The following PPM1E variants were observed in gnomAD, a reference collection of about 807,000 sequenced individuals.
The protein encoded by PPM1E is protein phosphatase 1E.
Under a neutral mutation model 65.9 loss-of-function variants are expected in PPM1E, and 20 were observed. The ratio of observed to expected loss-of-function variants is 0.30; its 90% CI spans 0.21 to 0.44. The LOEUF is 0.44. Among genes scored for constraint, PPM1E ranks in the 20% least tolerant of loss-of-function variants. The pLI, the probability that PPM1E is intolerant of heterozygous loss-of-function variation, is 1.00. For synonymous variants in PPM1E, 352 were observed against 374.9 expected, an observed-to-expected ratio of 0.94 and a Z score of 0.70; for missense variants, 713 against 953.1, an observed-to-expected ratio of 0.75 and a Z score of 3.32.
intron 1 of PPM1E, among the ~76,000 whole-genome samples, chr17:58,824,177 A>G (rs1413448416): frequency 6.6e-6 from 1 of 152,240 alleles, no homozygotes; most frequent in Non-Finnish European, 1.5e-5. Flanking sequence ...AATATCTCCA[A>G]TTCAAGGTAG....
intron 5 of PPM1E, 116 bp from the exon 6 acceptor site, chr17:58,972,716 A>G (rs1384729483): frequency 3.2e-6 from 3 of 925,272 alleles, no homozygotes; most frequent in Non-Finnish European, 5.1e-6. Context: ...TCCAATGGAG[A>G]AACAAAGAGA....
At chr17:58,836,217 A>G (rs1317441348) in intron 1 of PPM1E, among the ~76,000 whole-genome samples, 1 of 152,120 alleles carries the variant, frequency 6.6e-6, no homozygotes, top group Non-Finnish European at 1.5e-5. Context: ...CAAAAGTGAC[A>G]AGACTACTAA....
intron 1 of PPM1E, among the ~76,000 whole-genome samples, chr17:58,861,958 T>G (rs1258848672): frequency 6.6e-6 from 1 of 152,114 alleles, no homozygotes; most frequent in East Asian, 1.9e-4. Context: ...TAAAAGCTGC[T>G]GTTTCCAATA....
intron 1 of PPM1E, among the ~76,000 whole-genome samples, chr17:58,922,754 G>A (rs567081743): frequency 9.7e-4 from 141 of 145,764 alleles, no homozygotes; most frequent in Non-Finnish European, 1.6e-3. Flanking sequence ...GTGCGATCTC[G>A]GCTCACTGCA....
intron 1 of PPM1E, among the ~76,000 whole-genome samples, chr17:58,846,500 T>C (rs1188513817): frequency 6.6e-6 from 1 of 152,174 alleles, no homozygotes; most frequent in African/African-American, 2.4e-5. Flanking sequence ...AATTCCCATG[T>C]ATGAGTGAGA....
chr17:58,828,971 G>A (rs1259867173), intron 1 of PPM1E, among the ~76,000 whole-genome samples: 1 of 152,052 alleles, frequency 6.6e-6, no homozygotes, highest in African/African-American at 2.4e-5. Flanking sequence ...GCAAAATAAT[G>A]TTTACATTGT....
intron 1 of PPM1E, among the ~76,000 whole-genome samples, chr17:58,788,065 C>T (rs1345887005): frequency 6.6e-6 from 1 of 151,732 alleles, no homozygotes. Flanking sequence ...TTTTCTTCTT[C>T]CCTGAGATGG....
chr17:58,799,724 A>C (rs1677038929), intron 1 of PPM1E, among the ~76,000 whole-genome samples: 1 of 152,064 alleles, frequency 6.6e-6, no homozygotes, highest in Admixed American at 6.6e-5. Flanking sequence ...GATTACAGGC[A>C]TGAGCCACTG....
intron 1 of PPM1E, among the ~76,000 whole-genome samples, chr17:58,861,063 T>A (rs2050933911): frequency 6.6e-6 from 1 of 152,268 alleles, no homozygotes. Context: ...ATACTAAGTG[T>A]TAAACACCAA....
chr17:58,789,745 T>C (rs1158231480), intron 1 of PPM1E, among the ~76,000 whole-genome samples: 3 of 145,298 alleles, frequency 2.1e-5, no homozygotes, highest in Non-Finnish European at 4.5e-5. Flanking sequence ...GTCATTTATA[T>C]ATATATATAT....
intron 2 of PPM1E, among the ~76,000 whole-genome samples, chr17:58,957,397 ATGAAG>A (rs2029892776): frequency 6.6e-6 from 1 of 152,208 alleles, no homozygotes; most frequent in African/African-American, 2.4e-5. Flanking sequence ...CAAAAGTGAA[ATGAAG>A]TGTTTTCTTT....
chr17:58,916,135 G>A (rs1224864080), intron 1 of PPM1E, among the ~76,000 whole-genome samples: 1 of 152,128 alleles, frequency 6.6e-6, no homozygotes, highest in African/African-American at 2.4e-5. Context: ...ACATTCCACT[G>A]CATTTAAATA....
intron 1 of PPM1E, among the ~76,000 whole-genome samples, chr17:58,815,244 T>C (rs780855105): frequency 1.3e-5 from 2 of 152,222 alleles, no homozygotes; most frequent in African/African-American, 2.4e-5. Context: ...TTATTATAGC[T>C]GAATGCCATT....
chr17:58,907,279 T>G (rs922275011), intron 1 of PPM1E, among the ~76,000 whole-genome samples: 31 of 152,224 alleles, frequency 2.0e-4, no homozygotes, highest in Non-Finnish European at 3.4e-4. Flanking sequence ...TTGTTTTATC[T>G]CCACATATTT....
intron 1 of PPM1E, among the ~76,000 whole-genome samples, chr17:58,817,801 G>A (rs954405920): frequency 6.6e-6 from 1 of 151,034 alleles, no homozygotes; most frequent in African/African-American, 2.4e-5. Flanking sequence ...GCCCAGGCTC[G>A]AGTGCAGTGG....
intron 1 of PPM1E, among the ~76,000 whole-genome samples, chr17:58,775,070 T>A (rs1032532419): frequency 6.6e-6 from 1 of 152,138 alleles, no homozygotes; most frequent in African/African-American, 2.4e-5. Context: ...CCGGGATGCT[T>A]GTGATCTCTT....
chr17:58,889,721 T>C (rs565579466), intron 1 of PPM1E, among the ~76,000 whole-genome samples: 2 of 152,380 alleles, frequency 1.3e-5, no homozygotes, highest in African/African-American at 4.8e-5. Context: ...CATCTCCTTC[T>C]GTAAATTTCT....
chr17:58,789,928 T>A (rs1486482736), intron 1 of PPM1E, among the ~76,000 whole-genome samples: 1 of 152,158 alleles, frequency 6.6e-6, no homozygotes, highest in Non-Finnish European at 1.5e-5. Context: ...AGAAAGTAAA[T>A]TTCTTGAAGG....
At chr17:58,832,846 G>T (rs571495429) in intron 1 of PPM1E, among the ~76,000 whole-genome samples, 7 of 151,246 alleles carry the variant, frequency 4.6e-5, no homozygotes, top group Non-Finnish European at 1.0e-4. Context: ...ATGGAGCCTC[G>T]CTCTGTTACC....
Sources: gnomAD v4.1 joint callset for allele counts (sites outside exome capture counted in the v4.1 genomes callset) on GRCh38, gnomAD v4.1.1 for gene constraint, MANE v1.5 for transcripts, NCBI Gene and HGNC (gene_info 2026-07-23, HGNC 2026-07-21) for gene names.